The following PBX1 variants were observed in gnomAD, a reference collection of about 807,000 sequenced individuals.
The protein encoded by PBX1 is PBX homeobox 1, also known as pre-B-cell leukemia transcription factor 1.
In PBX1, 6 loss-of-function variants were observed where a neutral mutation model predicts 53.4. The observed-to-expected ratio is 0.11, with a 90% CI of 0.06 to 0.22. The LOEUF (loss-of-function observed/expected upper bound fraction) is 0.22. Ranked by LOEUF, PBX1 falls within the 10% of genes least tolerant of loss-of-function variation. PBX1 has a pLI of 1.00. For synonymous variants in PBX1, 204 were observed against 212.3 expected, an observed-to-expected ratio of 0.96 and a Z score of 0.34; for missense variants, 251 against 551.4, an observed-to-expected ratio of 0.46 and a Z score of 5.46.
At chr1:164,674,840 A>C in intron 2 of PBX1, 1 of 76,404 alleles carries the variant, frequency 1.3e-5, no homozygotes. Context: ...TAGAGGAAGA[A>C]ATCACAGCCC....
At chr1:164,768,050 T>A (rs151184202) in intron 2 of PBX1, among the ~76,000 whole-genome samples, 2 of 152,210 alleles carry the variant, frequency 1.3e-5, no homozygotes, top group Non-Finnish European at 2.9e-5. Context: ...CGAAAACAAC[T>A]TTTCTCATTC....
intron 1 of PBX1, among the ~76,000 whole-genome samples, chr1:164,562,562 T>C (rs1278488344): frequency 6.6e-6 from 1 of 151,880 alleles, no homozygotes; most frequent in African/African-American, 2.4e-5. Context: ...AAGGTCCTAA[T>C]TGTAAATAAT....
intron 2 of PBX1, among the ~76,000 whole-genome samples, chr1:164,622,436 A>G (rs1657743193): frequency 6.6e-6 from 1 of 152,180 alleles, no homozygotes. Context: ...TAATGACTAG[A>G]TGAGTGAGGT....
chr1:164,654,123 TG>T (rs1268278278), intron 2 of PBX1, among the ~76,000 whole-genome samples: 2 of 152,246 alleles, frequency 1.3e-5, no homozygotes, highest in Admixed American at 6.5e-5. Flanking sequence ...CACAGTGCAT[TG>T]GGGGTAGGGT....
At chr1:164,619,882 T>C (rs1268326986) in intron 2 of PBX1, among the ~76,000 whole-genome samples, 1 of 152,154 alleles carries the variant, frequency 6.6e-6, no homozygotes, top group African/African-American at 2.4e-5. Context: ...CTTTTAAATA[T>C]TTCTTTGGAG....
At chr1:164,590,337 A>C (rs1433611856) in intron 2 of PBX1, 1 of 455,944 alleles carries the variant, frequency 2.2e-6, no homozygotes. Flanking sequence ...GAGCTACCAC[A>C]GGGCTCTCCT....
At chr1:164,672,031 C>G (rs1456691470) in intron 2 of PBX1, among the ~76,000 whole-genome samples, 1 of 117,480 alleles carries the variant, frequency 8.5e-6, no homozygotes, top group Admixed American at 1.1e-4. Flanking sequence ...GGTTGTTTTT[C>G]TTTCTGTTTT....
At chr1:164,717,321 T>G (rs761483848) in intron 2 of PBX1, among the ~76,000 whole-genome samples, 2 of 152,254 alleles carry the variant, frequency 1.3e-5, no homozygotes, top group South Asian at 4.2e-4. Flanking sequence ...TGGAGACTTT[T>G]ATTTGCCTGT....
At chr1:164,795,018 A>C (rs1231548436) in intron 3 of PBX1, among the ~76,000 whole-genome samples, 1 of 152,230 alleles carries the variant, frequency 6.6e-6, no homozygotes, top group African/African-American at 2.4e-5. Context: ...AAAATGAGTA[A>C]AAATTATGAC....
chr1:164,728,608 T>C (rs929538268), intron 2 of PBX1, among the ~76,000 whole-genome samples: 1 of 152,162 alleles, frequency 6.6e-6, no homozygotes, highest in African/African-American at 2.4e-5. Context: ...AATAATGAAA[T>C]TGGAAGAAAT....
intron 2 of PBX1, among the ~76,000 whole-genome samples, chr1:164,621,042 GC>G (rs1657641215): frequency 6.6e-6 from 1 of 151,950 alleles, no homozygotes; most frequent in South Asian, 2.1e-4. Flanking sequence ...AAGCTGGAGT[GC>G]AGTGGCACAG....
chr1:164,662,993 C>G (rs967207767), intron 2 of PBX1, among the ~76,000 whole-genome samples: 1 of 152,114 alleles, frequency 6.6e-6, no homozygotes, highest in Non-Finnish European at 1.5e-5. Flanking sequence ...TTGATGATAT[C>G]ATAGAAATAC....
intron 2 of PBX1, among the ~76,000 whole-genome samples, chr1:164,764,567 C>T (rs1238872822): frequency 1.3e-5 from 2 of 152,184 alleles, no homozygotes; most frequent in Non-Finnish European, 2.9e-5. Flanking sequence ...CCTGCACCAT[C>T]ACATATTTTA....
intron 2 of PBX1, among the ~76,000 whole-genome samples, chr1:164,701,871 G>A (rs952511663): frequency 3.3e-5 from 5 of 152,142 alleles, no homozygotes; most frequent in African/African-American, 1.2e-4. Context: ...GCTTTTATTA[G>A]TGGTACTGTG....
At chr1:164,683,957 C>T (rs1462922017) in intron 2 of PBX1, 1 of 152,052 alleles carries the variant, frequency 6.6e-6, no homozygotes, top group Non-Finnish European at 1.5e-5. Flanking sequence ...AGGCATGTGC[C>T]AACACACCAG....
At chr1:164,713,333 T>C (rs1333025660) in intron 2 of PBX1, among the ~76,000 whole-genome samples, 1 of 152,130 alleles carries the variant, frequency 6.6e-6, no homozygotes, top group Admixed American at 6.5e-5. Flanking sequence ...ATAAAAGGTA[T>C]GTGTAGGAGG....
At chr1:164,753,274 G>A (rs530690918) in intron 2 of PBX1, among the ~76,000 whole-genome samples, 1 of 152,258 alleles carries the variant, frequency 6.6e-6, no homozygotes, top group African/African-American at 2.4e-5. Flanking sequence ...GATGTTTTAG[G>A]TGGTGTAACT....
At chr1:164,645,198 G>A (rs1659379793) in intron 2 of PBX1, among the ~76,000 whole-genome samples, 1 of 152,170 alleles carries the variant, frequency 6.6e-6, no homozygotes, top group Admixed American at 6.6e-5. Flanking sequence ...TCACCCTTAA[G>A]GATGAAGCCT....
chr1:164,587,213 A>G (rs1286151058), intron 2 of PBX1, among the ~76,000 whole-genome samples: 1 of 152,172 alleles, frequency 6.6e-6, no homozygotes, highest in Non-Finnish European at 1.5e-5. Flanking sequence ...GTGTTCCTAA[A>G]AAGTGTATGG....
Sources: allele counts gnomAD v4.1 joint callset (sites outside exome capture counted in the v4.1 genomes callset), GRCh38; gene constraint gnomAD v4.1.1; transcripts MANE v1.5; gene names NCBI Gene and HGNC (gene_info 2026-07-23, HGNC 2026-07-21).